Variants in THAP2 observed in about 807,000 individuals in gnomAD.
THAP2 encodes THAP domain containing 2.
Under a neutral mutation model 18.8 loss-of-function variants are expected in THAP2, and 16 were observed. The ratio of observed to expected loss-of-function variants is 0.85; its 90% CI spans 0.58 to 1.29. THAP2 has a LOEUF of 1.29. THAP2 is among the 50% of genes most tolerant of loss of function. The pLI, the probability that THAP2 is intolerant of heterozygous loss-of-function variation, is 0.00. For synonymous variants in THAP2, 80 were observed against 89.2 expected, an observed-to-expected ratio of 0.90 and a Z score of 0.58; for missense variants, 251 against 265.3, an observed-to-expected ratio of 0.95 and a Z score of 0.38.
rs1260745954 is a variant in THAP2 at position 71,679,278 on chromosome 12, TA to T, written c.*2173del. ...AAACTACTACTCAATAATTTTAGAG[TA>T]AACTTTTCTGTGTTTTCTCCGTGAT... On this transcript the variant is annotated 3_prime_UTR_variant, in exon 3 of 3. Coordinates refer to ENST00000308086, the MANE Select transcript of THAP2 (RefSeq NM_031435.4). 2 of 152,190 alleles carry T rather than the reference TA, an allele frequency of 1.3e-5. No individual in the cohort carries two copies. The highest frequency in any genetic ancestry group is 4.8e-5 in the African/African-American group (2 of 41,450). 9.4% of individuals were successfully genotyped at this position (152,190 alleles called of 1,614,324 possible).
chr12:71,667,751 T>A (rs1426092872), intron 1 of THAP2: 2 of 152,206 alleles, frequency 1.3e-5, no homozygotes, highest in African/African-American at 4.8e-5. Flanking sequence ...CCCTGATTTG[T>A]AGTGTTTCCC....
intron 1 of THAP2, among the ~76,000 whole-genome samples, chr12:71,669,957 C>CAAA (rs5799052): frequency 2.7e-4 from 28 of 104,688 alleles, no homozygotes; most frequent in East Asian, 1.4e-3. Context: ...AACTCCGTCT[C>CAAA]AAAAAAAAAA....
intron 1 of THAP2, chr12:71,665,103 T>A: frequency 1.6e-6 from 1 of 632,302 alleles, no homozygotes; most frequent in South Asian, 1.8e-5. Context: ...AACCTTTCTG[T>A]TCTTACTAGA....
rs748779790 is a variant in THAP2, at chr12:71,676,862, C to G, written c.441C>G (p.Ser147Arg). ...RIIKLEKEIA[S>R]LRRKMKTCLQ... is the part of the protein sequence containing the mutation. The stretch of plus-strand genomic sequence containing the variant: ...TTAAACTGGAAAAAGAAATAGCAAG[C>G]TTAAGAAGAAAAATGAAAACTTGCC... Residue 147 changes from serine to arginine, a missense_variant, in exon 3 of 3, where the codon AGC becomes AGG. By Grantham distance (110) the Ser-to-Arg change is moderately radical (BLOSUM62 -1). Transcript: ENST00000308086. 4 of 1,613,538 alleles carry G rather than the reference C, an allele frequency of 2.5e-6. No homozygotes were observed. In the Admixed American group the frequency reaches 6.7e-5, roughly 27 times the overall value.
Position 71,666,410 on chromosome 12 carries a change from G to A in THAP2, c.71+1830G>A, listed in dbSNP as rs1257965866. 5.3e-5 allele frequency among the ~76,000 whole-genome samples: 8 copies of A among 152,092 alleles called. No homozygotes were observed. In the East Asian group the frequency reaches 1.5e-3, roughly 29 times the overall value. On this transcript the variant is annotated intron_variant, in intron 1 of 2. Transcript: ENST00000308086. ...TGCCTGTAGTCCCAGCTACTCCGGA[G>A]GCTGAGGTGGGAGGACTACCTGAAC...
At chr12:71,669,251 C>T (rs1412028209) in intron 1 of THAP2, among the ~76,000 whole-genome samples, 1 of 152,212 alleles carries the variant, frequency 6.6e-6, no homozygotes, top group Non-Finnish European at 1.5e-5. Context: ...GCTATCAGTG[C>T]TATAGCGACA....
Position 71,674,210 on chromosome 12 carries a change from T to G in THAP2, c.79T>G (p.Leu27Val), listed in dbSNP as rs1881486295. The change falls in exon 2 of 3, where the codon TTG (leucine) becomes GTG (valine). Residue 27 changes from leucine (L) to valine (V), a missense_variant. Leu to Val is a conservative substitution (Grantham distance 32). Transcript: ENST00000308086. ...CATTTTTTTTTTTTTAAGGTTTCCT[T>G]TGGATCCTAAAAGAAGAAAAGAATG... ...HINISFHRFP[L>V]DPKRRKEWVR... The G allele has an allele frequency of 6.3e-7, 1 of 1,590,802 alleles. No individual in the cohort carries two copies. Among genetic ancestry groups the G allele is most frequent in the Non-Finnish European group, 8.5e-7 (1 of 1,170,226 alleles).
chr12:71,668,277 G>C (rs1290950667), intron 1 of THAP2, among the ~76,000 whole-genome samples: 1 of 152,032 alleles, frequency 6.6e-6, no homozygotes, highest in African/African-American at 2.4e-5. Context: ...CCTGTTTTAC[G>C]GTTCCACACA....
At chr12:71,669,046 A>T (rs1881389873) in intron 1 of THAP2, among the ~76,000 whole-genome samples, 2 of 152,238 alleles carry the variant, frequency 1.3e-5, no homozygotes, top group South Asian at 4.1e-4. Flanking sequence ...AGCACAGAAA[A>T]TCTAAAGACT....
chr12:71,664,688 T>A, intron 1 of THAP2, 108 bp downstream of exon 1: 1 of 1,308,400 alleles, frequency 7.6e-7, no homozygotes, highest in Non-Finnish European at 1.1e-6. Context: ...CTTTCCCAGC[T>A]GGTAGCAGGG....
chr12:71,676,916 A>G lies in THAP2; in HGVS notation c.495A>G (p.Arg165=). ...AAAAGGAACGCAGAGCAACTCGAAGATGGATCAAAGCCACGTGTTTGGTAA... is the reference window on the plus strand; with the variant it reads ...AAAAGGAACGCAGAGCAACTCGAAGGTGGATCAAAGCCACGTGTTTGGTAA... ...CLQKERRATR[R]WIKATCLVKN... The change falls in exon 3 of 3, where the codon AGA becomes AGG. Residue 165 remains arginine (R), a synonymous_variant. Transcript: ENST00000308086. 6.2e-7 allele frequency: 1 copy of G among 1,613,838 alleles called. No individual in the cohort carries two copies. Among genetic ancestry groups the G allele is most frequent in the South Asian group, 1.1e-5 (1 of 91,078 alleles).
At position 71,677,025 on chromosome 12, in the gene THAP2, G is replaced by T. The variant is rs1453734929; in HGVS notation, c.604G>T (p.Asp202Tyr). The T allele has an allele frequency of 6.2e-7, 1 of 1,613,476 alleles. No individual in the cohort carries two copies. The highest frequency in any genetic ancestry group is 1.7e-5 in the Admixed American group (1 of 59,974). ...TGCCTTAAGCAGTCTTCCTTTGGAA[G>T]ATTTTAAGATCCTTGAACAAGATCA... ...PTALSSLPLE[D>Y]FKILEQDQQD... The change falls in exon 3 of 3, where the codon GAT (aspartate) becomes TAT (tyrosine). Residue 202 changes from aspartate to tyrosine, a missense_variant. Asp to Tyr is a radical substitution (Grantham distance 160). Transcript: ENST00000308086.
intron 2 of THAP2, among the ~76,000 whole-genome samples, chr12:71,675,174 G>A (rs1394296063): frequency 6.6e-5 from 10 of 151,878 alleles, no homozygotes. Flanking sequence ...TTGAAAGGGA[G>A]GACAAACATG....
intron 2 of THAP2, among the ~76,000 whole-genome samples, chr12:71,674,881 TGG>T (rs1881498138): frequency 6.6e-6 from 1 of 151,986 alleles, no homozygotes; most frequent in Non-Finnish European, 1.5e-5. Flanking sequence ...AAAGGGAACT[TGG>T]CTTTGCACAG....
intron 1 of THAP2, among the ~76,000 whole-genome samples, chr12:71,672,757 T>C (rs1349150306): frequency 2.0e-5 from 3 of 152,156 alleles, no homozygotes; most frequent in Non-Finnish European, 2.9e-5. Flanking sequence ...CTTTTTCTTG[T>C]ATTGTCATGA....
chr12:71,676,786 T>G lies in THAP2; in HGVS notation c.365T>G (p.Leu122Arg), dbSNP rs776858358. 1 of 1,613,472 alleles carries G rather than the reference T, an allele frequency of 6.2e-7. No individual in the cohort carries two copies. Among genetic ancestry groups the G allele is most frequent in the Admixed American group, 1.7e-5 (1 of 59,962 alleles). Residue 122 changes from leucine to arginine, a missense_variant, in exon 3 of 3, where the codon CTT becomes CGT. Physicochemically the swap from Leu to Arg is moderately radical, Grantham distance 102. Coordinates refer to ENST00000308086, the MANE Select transcript of THAP2 (RefSeq NM_031435.4). ...KSNISSQQVLLEHSYAFRNPM... is the reference protein window; with the variant it reads ...KSNISSQQVLREHSYAFRNPM... ...AACATTAGTAGTCAGCAAGTACTAC[T>G]TGAACACAGCTATGCCTTTAGGAAT... is the stretch of plus-strand genomic sequence containing the variant.
chr12:71,676,732 C>A lies in THAP2; in HGVS notation c.311C>A (p.Ser104Tyr). ...RNLLKKNNSC[S>Y]PAGPSNLKSN... is the part of the protein sequence containing the mutation. ...CTTTTGAAGAAAAACAACAGTTGTTCTCCAGCTGGACCATCTAATTTAAAA... is the reference window on the plus strand; with the variant it reads ...CTTTTGAAGAAAAACAACAGTTGTTATCCAGCTGGACCATCTAATTTAAAA... The change falls in exon 3 of 3, where the codon TCT becomes TAT. Residue 104 changes from serine to tyrosine, a missense_variant. Ser to Tyr is a moderately radical substitution (Grantham distance 144). Coordinates refer to ENST00000308086, the MANE Select transcript of THAP2 (RefSeq NM_031435.4). The A allele has an allele frequency of 1.3e-6, 2 of 1,595,232 alleles. No homozygotes were observed. Among genetic ancestry groups the A allele is most frequent in the South Asian group, 2.3e-5 (2 of 86,818 alleles).
At chr12:71,672,307 C>T (rs1881454446) in intron 1 of THAP2, among the ~76,000 whole-genome samples, 1 of 152,158 alleles carries the variant, frequency 6.6e-6, no homozygotes, top group Non-Finnish European at 1.5e-5. Context: ...GTTATCTTGA[C>T]ATTTTTTAAG....
intron 1 of THAP2, among the ~76,000 whole-genome samples, chr12:71,666,044 CTAGT>C (rs1279758518): frequency 5.9e-5 from 9 of 152,140 alleles, no homozygotes; most frequent in Admixed American, 5.9e-4. Context: ...CAGAGAAAAA[CTAGT>C]TAGGAAGCTG....
Sources: gnomAD v4.1 joint callset for allele counts (sites outside exome capture counted in the v4.1 genomes callset) on GRCh38, gnomAD v4.1.1 for gene constraint, MANE v1.5 for transcripts, NCBI Gene and HGNC (gene_info 2026-07-23, HGNC 2026-07-21) for gene names.